The following PCSK5 variants were observed in gnomAD, a reference collection of about 807,000 sequenced individuals.
PCSK5 encodes the protein proprotein convertase subtilisin/kexin type 5.
A neutral mutation model predicts 233.2 loss-of-function variants in PCSK5; 129 were observed. That is an observed-to-expected ratio of 0.55 (90% confidence interval 0.48 to 0.64). PCSK5 has a LOEUF of 0.64. PCSK5 is among the 30% of genes least tolerant of loss of function. The pLI, the probability that PCSK5 is intolerant of heterozygous loss-of-function variation, is 0.00. For missense variants in PCSK5, 2,076 were observed against 2,430.1 expected (o/e 0.85, Z 3.06); for synonymous variants, 825 against 879.2 (o/e 0.94, Z 1.09).
intron 11 of PCSK5, 60 bp downstream of exon 11, chr9:76,157,222 T>C: frequency 9.0e-7 from 1 of 1,111,394 alleles, no homozygotes; most frequent in Admixed American, 1.7e-5. Flanking sequence ...AGCCAGTCAA[T>C]TGCTCAAGAC....
rs144722601 is a variant in PCSK5, at chr9:76,200,983, T to A, written c.2626+11237T>A. ...TTGAGAAGCATTCACTCAGACAGAA[T>A]GCTGAGGCGGCCAGATTTGCTCAGT... On this transcript the variant is annotated intron_variant, in intron 20 of 37. Coordinates refer to ENST00000674117, the MANE Select transcript of PCSK5 (RefSeq NM_001372043.1). Among the ~76,000 whole-genome samples, 1,174 of 152,348 alleles carry A rather than the reference T, an allele frequency of 7.7e-3. 16 individuals carry two copies. Among genetic ancestry groups the A allele is most frequent in the African/African-American group, 0.026 (1,097 of 41,584 alleles).
Position 76,222,039 on chromosome 9 carries a change from C to G in PCSK5, c.2627-5464C>G, listed in dbSNP as rs1455103446. Among the ~76,000 whole-genome samples, 7 of 152,210 alleles carry G rather than the reference C, an allele frequency of 4.6e-5. No individual in the cohort carries two copies. In the East Asian group the frequency reaches 1.3e-3, roughly 29 times the overall value. On this transcript the variant is annotated intron_variant, in intron 20 of 37. Transcript: ENST00000674117. ...AGGGTAGGGATGTAGAACCCTCTTT[C>G]TAGCTGCCTAATGTTCATTCTGTCT...
chr9:76,136,459 G>A (rs1208105549), intron 10 of PCSK5, among the ~76,000 whole-genome samples: 2 of 151,954 alleles, frequency 1.3e-5, no homozygotes, highest in African/African-American at 4.8e-5. Context: ...GCTCAACAAG[G>A]GCTTGTATTT....
chr9:76,321,867 A>G (rs1174126370), intron 31 of PCSK5, among the ~76,000 whole-genome samples: 1 of 152,056 alleles, frequency 6.6e-6, no homozygotes, highest in Admixed American at 6.6e-5. Context: ...GATCTCTTAC[A>G]CTCACCCCCA....
intron 10 of PCSK5, among the ~76,000 whole-genome samples, chr9:76,137,533 T>G (rs1823036852): frequency 6.6e-6 from 1 of 152,140 alleles, no homozygotes; most frequent in South Asian, 2.1e-4. Flanking sequence ...ACAATAAACA[T>G]AATCTGATGA....
chr9:76,226,899 T>C (rs966139727), intron 20 of PCSK5, among the ~76,000 whole-genome samples: 2 of 152,164 alleles, frequency 1.3e-5, no homozygotes, highest in Non-Finnish European at 2.9e-5. Context: ...CAGGGCCCCA[T>C]ATGTGTTTTT....
At chr9:75,913,560 G>A (rs113654796) in intron 1 of PCSK5, among the ~76,000 whole-genome samples, 3,297 of 152,200 alleles carry the variant, frequency 0.022, 61 homozygotes, top group Non-Finnish European at 0.032. Context: ...TTGGCTCCAG[G>A]CTGCATATTT....
chr9:76,298,290 C>T (rs1226902968), intron 27 of PCSK5, among the ~76,000 whole-genome samples: 1 of 152,114 alleles, frequency 6.6e-6, no homozygotes, highest in Admixed American at 6.5e-5. Context: ...ACACCCACCC[C>T]TCCACATTTT....
At chr9:76,021,273 T>C (rs1003351045) in intron 3 of PCSK5, among the ~76,000 whole-genome samples, 1 of 151,958 alleles carries the variant, frequency 6.6e-6, no homozygotes, top group Non-Finnish European at 1.5e-5. Flanking sequence ...TCAACAACAG[T>C]TTGGCACAAT....
chr9:76,189,091 AAGGGGC>A lies in PCSK5; in HGVS notation c.2382_2387del (p.Gly796_Ala797del). Reference sequence around the variant, plus strand: ...CGTTTCCTGTGTTTGTCTTGCTTTTAAGGGGCAGGAGCTGATGGGTGCATTAACTGC... The same window carrying A: ...CGTTTCCTGTGTTTGTCTTGCTTTTAAGGAGCTGATGGGTGCATTAACTGC... On this transcript the variant is annotated splice_acceptor_variant and coding_sequence_variant, in exon 19 of 38. Coordinates refer to ENST00000674117, the MANE Select transcript of PCSK5 (RefSeq NM_001372043.1). LOFTEE classifies it high-confidence loss of function. 1 of 1,611,988 alleles carries A rather than the reference AAGGGGC, an allele frequency of 6.2e-7. No homozygotes were observed. The highest frequency in any genetic ancestry group is 8.5e-7 in the Non-Finnish European group (1 of 1,179,366).
chr9:75,895,647 T>C (rs1474139512), intron 1 of PCSK5, among the ~76,000 whole-genome samples: 2 of 152,202 alleles, frequency 1.3e-5, no homozygotes. Flanking sequence ...CCATGAAATG[T>C]TACAGGATAA....
At chr9:76,253,424 C>G (rs1231804984) in intron 24 of PCSK5, among the ~76,000 whole-genome samples, 2 of 152,078 alleles carry the variant, frequency 1.3e-5, no homozygotes, top group Non-Finnish European at 2.9e-5. Context: ...CTCCCTGCCC[C>G]CTCATTGTCT....
intron 3 of PCSK5, among the ~76,000 whole-genome samples, chr9:76,011,545 G>A (rs1827731184): frequency 6.6e-6 from 1 of 152,142 alleles, no homozygotes; most frequent in African/African-American, 2.4e-5. Flanking sequence ...AAGTGAGATG[G>A]TTTTTCCTTT....
chr9:76,192,053 G>C (rs1824412963), intron 20 of PCSK5, among the ~76,000 whole-genome samples: 1 of 110,506 alleles, frequency 9.0e-6, no homozygotes, highest in Non-Finnish European at 1.7e-5. Context: ...CTAGGCAACA[G>C]AGCAAGACTG....
intron 24 of PCSK5, among the ~76,000 whole-genome samples, chr9:76,267,950 TACAC>T (rs10539241): frequency 0.57 from 84,855 of 149,106 alleles, 24,520 homozygotes; most frequent in Non-Finnish European, 0.65. Flanking sequence ...CTTATGGGTA[TACAC>T]ACACACACAC....
At chr9:76,206,563 C>T (rs1256388108) in intron 20 of PCSK5, among the ~76,000 whole-genome samples, 2 of 152,220 alleles carry the variant, frequency 1.3e-5, no homozygotes, top group Non-Finnish European at 2.9e-5. Flanking sequence ...ATTGTCTCCA[C>T]TTGCCTCTGT....
intron 24 of PCSK5, among the ~76,000 whole-genome samples, chr9:76,250,172 C>T (rs374367108): frequency 2.0e-5 from 3 of 152,044 alleles, no homozygotes; most frequent in Non-Finnish European, 2.9e-5. Context: ...CGTGGTGGTG[C>T]GTGCTTGTAG....
intron 20 of PCSK5, chr9:76,193,200 T>G (rs754133470): frequency 6.2e-7 from 1 of 1,603,604 alleles, no homozygotes; most frequent in Non-Finnish European, 8.5e-7. Flanking sequence ...TGCTCTCGTC[T>G]TCAACTCCCC....
intron 20 of PCSK5, among the ~76,000 whole-genome samples, chr9:76,219,549 A>G (rs1335004938): frequency 2.0e-5 from 3 of 152,076 alleles, no homozygotes; most frequent in South Asian, 2.1e-4. Context: ...TAGCACCTCT[A>G]TGTAGTTCAG....
Sources: allele counts gnomAD v4.1 joint callset (sites outside exome capture counted in the v4.1 genomes callset), GRCh38; gene constraint gnomAD v4.1.1; transcripts MANE v1.5; gene names NCBI Gene and HGNC (gene_info 2026-07-23, HGNC 2026-07-21).